NAP1L4: variants seen among roughly 807,000 people sequenced by gnomAD.
The protein encoded by NAP1L4 is nucleosome assembly protein 1-like 4.
Under a neutral mutation model 58.2 loss-of-function variants are expected in NAP1L4, and 15 were observed. That is an observed-to-expected ratio of 0.26 (90% CI 0.17 to 0.40). NAP1L4 has a LOEUF of 0.40. NAP1L4 is among the 10% of genes least tolerant of loss of function. NAP1L4 has a pLI of 1.00. For missense variants in NAP1L4, 384 were observed against 451.1 expected (o/e 0.85, Z 1.35); for synonymous variants, 171 against 155.6 (o/e 1.10, Z -0.74).
chr11:2,951,362 C>T lies in NAP1L4; in HGVS notation c.1066-47G>A. 1 of 1,540,260 alleles carries T rather than the reference C, an allele frequency of 6.5e-7. No individual in the cohort carries two copies. Among genetic ancestry groups the T allele is most frequent in the East Asian group, 2.2e-5 (1 of 44,520 alleles). Reference sequence around the variant, plus strand: ...TAGCTGGAATGACAAGATTTAAACTCTTGTGGCATTCACAATCCACAAACA... The same window carrying T: ...TAGCTGGAATGACAAGATTTAAACTTTTGTGGCATTCACAATCCACAAACA... On this transcript the variant is annotated intron_variant, in intron 13 of 15. Transcript: ENST00000380542. This position sits in a 1 kb window ranked among gnomAD's most constrained non-coding sequence, Gnocchi z 4.0.
intron 15 of NAP1L4, among the ~76,000 whole-genome samples, chr11:2,947,541 C>T (rs903459810): frequency 6.6e-6 from 1 of 151,926 alleles, no homozygotes; most frequent in African/African-American, 2.4e-5. Context: ...GGAGCTTCTG[C>T]AAGTGACTGA....
intron 8 of NAP1L4, among the ~76,000 whole-genome samples, chr11:2,962,217 T>C (rs1333517310): frequency 1.3e-5 from 2 of 152,210 alleles, no homozygotes; most frequent in African/African-American, 4.8e-5. Flanking sequence ...CAAATTTGGG[T>C]TCAAGTATGC....
intron 3 of NAP1L4, among the ~76,000 whole-genome samples, chr11:2,977,858 T>C (rs1239801374): frequency 2.4e-5 from 3 of 124,192 alleles, no homozygotes; most frequent in African/African-American, 9.4e-5. Flanking sequence ...AAGTAAAGGG[T>C]ATAGACTTAA....
chr11:2,984,230 G>C (rs1338391944), intron 1 of NAP1L4, among the ~76,000 whole-genome samples: 1 of 145,608 alleles, frequency 6.9e-6, no homozygotes, highest in African/African-American at 2.6e-5. Flanking sequence ...TCACCACCAC[G>C]ACCACAGCAG....
At position 2,954,072 on chromosome 11, in the gene NAP1L4, G is replaced by C. The variant is rs140026905; in HGVS notation, c.1035+455C>G. Among the ~76,000 whole-genome samples, 1 of 152,106 alleles carries C rather than the reference G, an allele frequency of 6.6e-6. No individual in the cohort carries two copies. Among genetic ancestry groups the C allele is most frequent in the Non-Finnish European group, 1.5e-5 (1 of 68,018 alleles). ...ATCTTGTTGTTTTCTTCGGGAGCAC[G>C]GGTTTCTTTTTTTTCCTTTTTACCT... On this transcript the variant is annotated intron_variant, in intron 12 of 15. Transcript: ENST00000380542. This position sits in a 1 kb window ranked among gnomAD's most constrained non-coding sequence, Gnocchi z 4.8.
intron 1 of NAP1L4, among the ~76,000 whole-genome samples, chr11:2,987,829 G>A (rs1848735890): frequency 6.6e-6 from 1 of 151,746 alleles, no homozygotes; most frequent in Non-Finnish European, 1.5e-5. Context: ...ACGAGGGCAG[G>A]GACCCTGTCT....
Position 2,945,162 on chromosome 11 carries a change from T to TAG in NAP1L4, c.*516_*517insCT, listed in dbSNP as rs1220429724. On this transcript the variant is annotated 3_prime_UTR_variant, in exon 16 of 16. Transcript: ENST00000380542. ...TGATGCAGGCTGCACACTCAGCAGA[T>TAG]TCAGCGGCTGGAAACAGCAAGTGGG... The TAG allele has an allele frequency of 6.3e-6, 1 of 159,566 alleles. No individual in the cohort carries two copies. The highest frequency in any genetic ancestry group is 1.4e-5 in the Non-Finnish European group (1 of 73,084). 9.9% of individuals were successfully genotyped at this position (159,566 alleles called of 1,614,324 possible). A position where few individuals can be genotyped will look rare whatever the true frequency, so the allele number is the denominator to read the frequency against.
chr11:2,977,769 T>C (rs1848052747), intron 3 of NAP1L4, among the ~76,000 whole-genome samples: 1 of 152,092 alleles, frequency 6.6e-6, no homozygotes, highest in Admixed American at 6.6e-5. Context: ...ATATAGTTTT[T>C]TTTAATGGTG....
chr11:2,970,285 A>G (rs1313122782), intron 6 of NAP1L4, among the ~76,000 whole-genome samples: 2 of 152,200 alleles, frequency 1.3e-5, no homozygotes, highest in Admixed American at 6.5e-5. Flanking sequence ...CAAAGACTGT[A>G]CATCAACCTT....
At chr11:2,965,904 G>A (rs938015950) in intron 7 of NAP1L4, among the ~76,000 whole-genome samples, 2 of 152,170 alleles carry the variant, frequency 1.3e-5, no homozygotes, top group East Asian at 1.9e-4. Flanking sequence ...ATGGAAGAGT[G>A]GGCATCATGG....
In NAP1L4 at chr11:2,976,057, T is replaced by C. The variant is rs759743048; in HGVS notation, c.140A>G (p.Asn47Ser). 2.0e-5 allele frequency: 33 copies of C among 1,613,992 alleles called. No homozygotes were observed. Among genetic ancestry groups the C allele is most frequent in the Middle Eastern group, 1.6e-4 (1 of 6,084 alleles). Residue 47 changes from asparagine (N) to serine (S), a missense_variant, in exon 4 of 16, where the codon AAT becomes AGT. Physicochemically the swap from Asn to Ser is conservative, Grantham distance 46. Coordinates refer to ENST00000380542, the MANE Select transcript of NAP1L4 (RefSeq NM_005969.4). ...VLAALQERLD[N>S]VPHTPSSYIE... is the part of the protein sequence containing the mutation. ...GTAGCTGGAAGGGGTGTGAGGGACATTGTCAAGTCGCTCCTGTAAAGCTGC... is the reference window on the plus strand; with the variant it reads ...GTAGCTGGAAGGGGTGTGAGGGACACTGTCAAGTCGCTCCTGTAAAGCTGC...
intron 1 of NAP1L4, chr11:2,990,505 G>T (rs1247593017): frequency 6.6e-6 from 1 of 152,146 alleles, no homozygotes; most frequent in African/African-American, 2.4e-5. Flanking sequence ...ACTATAGGAG[G>T]CATTTGGCAT....
chr11:2,991,161 A>C, intron 1 of NAP1L4: 2 of 456,354 alleles, frequency 4.4e-6, no homozygotes, highest in South Asian at 3.1e-5. Context: ...GTGATGTGAC[A>C]CACACGTTAG....
intron 7 of NAP1L4, among the ~76,000 whole-genome samples, chr11:2,969,364 G>A (rs530289553): frequency 1.4e-5 from 2 of 146,614 alleles, no homozygotes; most frequent in East Asian, 3.9e-4. Context: ...AGATGTGTGT[G>A]TACACACACA....
chr11:2,987,524 G>A (rs1276469563), intron 1 of NAP1L4, among the ~76,000 whole-genome samples: 1 of 151,314 alleles, frequency 6.6e-6, no homozygotes, highest in Non-Finnish European at 1.5e-5. Context: ...GAGAGGCCCA[G>A]GTGGGCAGAC....
Position 2,959,815 on chromosome 11 carries a change from G to C in NAP1L4, c.701C>G (p.Ala234Gly). ...TYKMKSEPDK[A>G]DPFSFEGPEI... ...AGGACCTTCAAAGGAAAAGGGATCA[G>C]CCTTATCTGGTTCTGATTTCATCTT... The change falls in exon 9 of 16, where the codon GCT becomes GGT. Residue 234 changes from alanine to glycine, a missense_variant. By Grantham distance (60) the Ala-to-Gly change is moderately conservative. Coordinates refer to ENST00000380542, the MANE Select transcript of NAP1L4 (RefSeq NM_005969.4). The surrounding 1 kb of genome is among the most constrained non-coding windows in gnomAD (Gnocchi z 4.9). 1.2e-6 allele frequency: 2 copies of C among 1,614,198 alleles called. No homozygotes were observed. The highest frequency in any genetic ancestry group is 1.7e-5 in the Admixed American group (1 of 60,022).
At chr11:2,960,113 G>T in intron 8 of NAP1L4, 1 of 541,306 alleles carries the variant, frequency 1.8e-6, no homozygotes, top group Non-Finnish European at 3.3e-6. Flanking sequence ...TATCTGTTCA[G>T]TTCATGAGTA....
At chr11:2,976,950 C>A (rs1183468079) in intron 3 of NAP1L4, among the ~76,000 whole-genome samples, 1 of 149,464 alleles carries the variant, frequency 6.7e-6, no homozygotes, top group African/African-American at 2.5e-5. Context: ...CCAGTACATA[C>A]CCGAGTATTC....
intron 2 of NAP1L4, among the ~76,000 whole-genome samples, 174 bp downstream of exon 2, chr11:2,979,033 G>A (rs973339296): frequency 6.6e-6 from 1 of 152,208 alleles, no homozygotes; most frequent in Non-Finnish European, 1.5e-5. Context: ...CTGAGGCACT[G>A]TTCATGTCGG....
Sources: gnomAD v4.1 joint callset for allele counts (sites outside exome capture counted in the v4.1 genomes callset) on GRCh38, gnomAD v4.1.1 for gene constraint, Gnocchi (gnomAD v3.1) non-coding constraint, MANE v1.5 for transcripts, NCBI Gene and HGNC (gene_info 2026-07-23, HGNC 2026-07-21) for gene names.